Variants in HPGDS observed in about 807,000 individuals in gnomAD.
HPGDS encodes the protein hematopoietic prostaglandin D synthase.
Under a neutral mutation model 23.1 loss-of-function variants are expected in HPGDS, and 26 were observed. The ratio of observed to expected loss-of-function variants is 1.13; its 90% CI spans 0.83 to 1.56. HPGDS has a LOEUF of 1.56. HPGDS is among the 40% of genes most tolerant of loss of function. HPGDS has a pLI of 0.00. For synonymous variants in HPGDS, 95 were observed against 77.9 expected (o/e 1.22, Z -1.16); for missense variants, 268 against 236.4 (o/e 1.13, Z -0.88).
In HPGDS at chr4:94,319,995, A is replaced by G. The variant is rs551928780; in HGVS notation, c.134-2030T>C. ...TCTCATTGTTCAGTTCCCACCTATGAGTGAGAACATGCAGTGTTTGGTTTT... is the reference window on the plus strand; with the variant it reads ...TCTCATTGTTCAGTTCCCACCTATGGGTGAGAACATGCAGTGTTTGGTTTT... On this transcript the variant is annotated intron_variant, in intron 2 of 5. Transcript: ENST00000295256. Among the ~76,000 whole-genome samples the G allele has an allele frequency of 2.6e-5, 4 of 152,232 alleles. No homozygotes were observed. The South Asian group carries it at 8.3e-4, about 32-fold the overall frequency.
rs201024900 is a variant in HPGDS at position 94,299,573 on chromosome 4, G to A, written c.507C>T (p.Asp169=). The change falls in exon 6 of 6, where the codon GAC becomes GAT. Residue 169 remains aspartate (D), a synonymous_variant. Coordinates refer to ENST00000295256, the MANE Select transcript of HPGDS (RefSeq NM_014485.3). ...TLLVFKPDLL[D]NHPRLVTLRK... is the part of the protein sequence containing the mutation. ...GTAAAGTCACCAGCCTTGGATGGTTGTCTAACAGGTCAGGCTTAAAGACCA... is the reference window on the plus strand; with the variant it reads ...GTAAAGTCACCAGCCTTGGATGGTTATCTAACAGGTCAGGCTTAAAGACCA... The A allele has an allele frequency of 6.2e-7, 1 of 1,614,062 alleles. No homozygotes were observed. The highest frequency in any genetic ancestry group is 2.2e-5 in the East Asian group (1 of 44,870).
At chr4:94,318,035 G>C in intron 2 of HPGDS, 70 bp from the exon 3 acceptor site, 1 of 826,542 alleles carries the variant, frequency 1.2e-6, no homozygotes. Context: ...CATTTTTACT[G>C]ATCATCGTGA....
chr4:94,319,301 A>G (rs1357531331), intron 2 of HPGDS, among the ~76,000 whole-genome samples: 1 of 152,134 alleles, frequency 6.6e-6, no homozygotes, highest in Non-Finnish European at 1.5e-5. Context: ...TTTTTTACTT[A>G]AAGTCTATTT....
chr4:94,304,018 TA>T (rs1756095288), intron 4 of HPGDS: 1 of 129,150 alleles, frequency 7.7e-6, no homozygotes, highest in South Asian at 3.1e-4. Context: ...AAGATTTGAT[TA>T]CACTTCTTTT....
At chr4:94,317,662 C>A (rs1228643496) in intron 3 of HPGDS, among the ~76,000 whole-genome samples, 1 of 152,118 alleles carries the variant, frequency 6.6e-6, no homozygotes, top group East Asian at 1.9e-4. Flanking sequence ...GCAGGAAAAG[C>A]AGGAGGCGAT....
Position 94,331,498 on chromosome 4 carries a change from A to G in HPGDS, c.133+2999T>C, listed in dbSNP as rs188486652. On this transcript the variant is annotated intron_variant, in intron 2 of 5. Transcript: ENST00000295256. ...AGAAATAAAAACTACCTGTAAGCTC[A>G]GTGTGCATGGGAGGGGCTTGCCAAC... Among the ~76,000 whole-genome samples the G allele has an allele frequency of 3.0e-3, 458 of 152,258 alleles. 1 individual carries two copies. The highest frequency in any genetic ancestry group is 4.6e-3 in the Non-Finnish European group (314 of 68,004).
intron 3 of HPGDS, among the ~76,000 whole-genome samples, chr4:94,317,581 TG>T (rs1756422406): frequency 6.6e-6 from 1 of 152,202 alleles, no homozygotes; most frequent in Non-Finnish European, 1.5e-5. Context: ...AGCCAAAGTT[TG>T]GAATGAAACA....
At chr4:94,326,557 A>G (rs1756635282) in intron 2 of HPGDS, among the ~76,000 whole-genome samples, 1 of 151,794 alleles carries the variant, frequency 6.6e-6, no homozygotes, top group East Asian at 1.9e-4. Context: ...AATTGTTTGG[A>G]TTTTTTTTAT....
At chr4:94,340,309 C>CTTTCTTTTTCTTT (rs1560597992) in intron 1 of HPGDS, among the ~76,000 whole-genome samples, 5 of 28,792 alleles carry the variant, frequency 1.7e-4, no homozygotes, top group Admixed American at 6.7e-4. Flanking sequence ...TTCTTTCTTT[C>CTTTCTTTTTCTTT]TCTTTTTTTT....
rs1487766946 is a variant in HPGDS, at chr4:94,302,985, A to C, written c.337-741T>G. Among the ~76,000 whole-genome samples the C allele has an allele frequency of 3.9e-5, 6 of 152,256 alleles. No homozygotes were observed. The South Asian group carries it at 1.0e-3, about 26-fold the overall frequency. On this transcript the variant is annotated intron_variant, in intron 4 of 5. Transcript: ENST00000295256. ...GATAAGAGATGTTTGTTTATATATA[A>C]GAATTCTGCCTGTTTGAGTCTTGGT...
intron 3 of HPGDS, among the ~76,000 whole-genome samples, chr4:94,315,026 G>A (rs979189179): frequency 6.6e-6 from 1 of 152,160 alleles, no homozygotes; most frequent in Non-Finnish European, 1.5e-5. Flanking sequence ...GATTTTCCAG[G>A]TGCCGTCTGT....
rs184150254 is a variant in HPGDS, at chr4:94,321,491, T to C, written c.134-3526A>G. 5.5e-3 allele frequency among the ~76,000 whole-genome samples: 840 copies of C among 152,306 alleles called. 4 individuals carry two copies. Among genetic ancestry groups the C allele is most frequent in the African/African-American group, 0.019 (784 of 41,558 alleles). Reference sequence around the variant, plus strand: ...AGAGGTCCTTCACATCCCTTTTAAGTTGGATTCCTAGGTATTTTATTCTCT... The same window carrying C: ...AGAGGTCCTTCACATCCCTTTTAAGCTGGATTCCTAGGTATTTTATTCTCT... On this transcript the variant is annotated intron_variant, in intron 2 of 5. Coordinates refer to ENST00000295256, the MANE Select transcript of HPGDS (RefSeq NM_014485.3).
chr4:94,324,622 G>T (rs184613152), intron 2 of HPGDS, among the ~76,000 whole-genome samples: 1 of 152,172 alleles, frequency 6.6e-6, no homozygotes, highest in East Asian at 1.9e-4. Context: ...GTCATTTAAG[G>T]TCTTCTCTAC....
intron 1 of HPGDS, among the ~76,000 whole-genome samples, chr4:94,335,617 G>T (rs1720988766): frequency 6.6e-6 from 1 of 152,144 alleles, no homozygotes; most frequent in South Asian, 2.1e-4. Flanking sequence ...GTAAATTAAT[G>T]AGGTAATACA....
chr4:94,340,849 CTT>C (rs1423281964), intron 1 of HPGDS, among the ~76,000 whole-genome samples: 1 of 113,586 alleles, frequency 8.8e-6, no homozygotes, highest in African/African-American at 3.5e-5. Context: ...TTTTTTCTTT[CTT>C]TTTTTTTTTT....
At chr4:94,309,124 T>TAA (rs1756204485) in intron 3 of HPGDS, among the ~76,000 whole-genome samples, 1 of 151,248 alleles carries the variant, frequency 6.6e-6, no homozygotes, top group Non-Finnish European at 1.5e-5. Flanking sequence ...TTTATTTTTT[T>TAA]ATTTTTTTAA....
intron 2 of HPGDS, among the ~76,000 whole-genome samples, chr4:94,321,317 G>T (rs1190167386): frequency 6.6e-6 from 1 of 152,160 alleles, no homozygotes; most frequent in Non-Finnish European, 1.5e-5. Flanking sequence ...CTTGTAGGTG[G>T]CTGGGGATGG....
At chr4:94,300,188 G>C (rs541486659) in intron 5 of HPGDS, among the ~76,000 whole-genome samples, 1 of 152,046 alleles carries the variant, frequency 6.6e-6, no homozygotes, top group Admixed American at 6.5e-5. Flanking sequence ...TTTGTACTAC[G>C]TAGTATAAAG....
At chr4:94,325,102 G>T (rs1262910817) in intron 2 of HPGDS, among the ~76,000 whole-genome samples, 2 of 152,156 alleles carry the variant, frequency 1.3e-5, no homozygotes, top group Non-Finnish European at 2.9e-5. Flanking sequence ...CTGCAGAACA[G>T]CAAATATTGC....
Sources: allele counts gnomAD v4.1 joint callset (sites outside exome capture counted in the v4.1 genomes callset), GRCh38; gene constraint gnomAD v4.1.1; transcripts MANE v1.5; gene names NCBI Gene and HGNC (gene_info 2026-07-23, HGNC 2026-07-21).